DYM: variants seen among roughly 807,000 people sequenced by gnomAD.
The protein encoded by DYM is dymeclin, also known as dyggve-Melchior-Clausen syndrome protein.
DYM carries 78 observed loss-of-function variants against 93.1 expected under a neutral mutation model. That is an observed-to-expected ratio of 0.84 (90% CI 0.70 to 1.01). DYM has a LOEUF of 1.01. Among genes scored for constraint, DYM ranks in the 50% least tolerant of loss-of-function variants. DYM has a pLI of 0.00. For missense variants in DYM, 789 were observed against 845.0 expected, an observed-to-expected ratio of 0.93 and a Z score of 0.82; for synonymous variants, 321 against 319.7, an observed-to-expected ratio of 1.00 and a Z score of -0.04.
intron 17 of DYM, among the ~76,000 whole-genome samples, chr18:49,061,288 G>A (rs2144648521): frequency 6.6e-6 from 1 of 152,238 alleles, no homozygotes; most frequent in African/African-American, 2.4e-5. Flanking sequence ...TAGGTGGTCT[G>A]TAAACAAAGG....
At chr18:49,445,792 CCCACAGG>C (rs1311413346) in intron 1 of DYM, among the ~76,000 whole-genome samples, 1 of 152,096 alleles carries the variant, frequency 6.6e-6, no homozygotes, top group Non-Finnish European at 1.5e-5. Flanking sequence ...GGCACTAAAT[CCCACAGG>C]CCGTTCAAAG....
intron 2 of DYM, among the ~76,000 whole-genome samples, chr18:49,428,596 G>C (rs917494225): frequency 1.3e-5 from 2 of 152,178 alleles, no homozygotes; most frequent in Non-Finnish European, 2.9e-5. Context: ...TGAGGCCGAA[G>C]AATTGCTTGA....
chr18:49,265,203 T>C (rs2094550401), intron 11 of DYM, among the ~76,000 whole-genome samples: 2 of 152,126 alleles, frequency 1.3e-5, no homozygotes, highest in African/African-American at 2.4e-5. Context: ...ATAGGTGTAC[T>C]GGGGTCAATG....
chr18:49,280,660 T>A (rs576073612), intron 10 of DYM, among the ~76,000 whole-genome samples: 1 of 152,170 alleles, frequency 6.6e-6, no homozygotes, highest in East Asian at 1.9e-4. Context: ...CACCTCCACA[T>A]GAGCTGTGTC....
At chr18:49,334,769 T>C (rs2063544136) in intron 6 of DYM, among the ~76,000 whole-genome samples, 1 of 152,062 alleles carries the variant, frequency 6.6e-6, no homozygotes, top group South Asian at 2.1e-4. Flanking sequence ...ACTAGAAAAA[T>C]TTAAATTCTA....
chr18:49,369,041 A>T (rs1053649646), intron 5 of DYM, among the ~76,000 whole-genome samples: 1 of 152,246 alleles, frequency 6.6e-6, no homozygotes, highest in Non-Finnish European at 1.5e-5. Context: ...AGAGCCTGCC[A>T]AACGGCGGTT....
intron 17 of DYM, among the ~76,000 whole-genome samples, chr18:49,058,137 G>T (rs957944788): frequency 6.6e-6 from 1 of 152,276 alleles, no homozygotes; most frequent in African/African-American, 2.4e-5. Flanking sequence ...GAAAATACAA[G>T]ACCTTTCCCT....
chr18:49,157,130 G>T (rs72923816), intron 15 of DYM, among the ~76,000 whole-genome samples: 9,828 of 152,106 alleles, frequency 0.065, 420 homozygotes, highest in Non-Finnish European at 0.096. Flanking sequence ...TGGGGTTCAG[G>T]TACACGCTGT....
chr18:49,431,177 T>C (rs2080288973), intron 1 of DYM, among the ~76,000 whole-genome samples: 1 of 152,106 alleles, frequency 6.6e-6, no homozygotes, highest in African/African-American at 2.4e-5. Flanking sequence ...CTTATGGGGG[T>C]CATAGGGACA....
intron 13 of DYM, among the ~76,000 whole-genome samples, chr18:49,255,402 G>A (rs938114611): frequency 6.6e-6 from 1 of 152,014 alleles, no homozygotes; most frequent in African/African-American, 2.4e-5. Context: ...AAGCCTGGGC[G>A]CAGTGGCTCA....
Position 49,166,986 on chromosome 18 carries a change from TTCCGTGTG to T in DYM, c.1626-3207_1626-3200del, listed in dbSNP as rs2087957456. 1.1e-4 allele frequency among the ~76,000 whole-genome samples: 12 copies of T among 107,326 alleles called. No individual in the cohort carries two copies. In the South Asian group the frequency reaches 3.9e-3, roughly 35 times the overall value. 70.4% of individuals were successfully genotyped at this position (107,326 alleles called of 152,430 possible). On this transcript the variant is annotated intron_variant, in intron 14 of 17. Transcript: ENST00000675505. ...CAAACCTGGGATGTTCATTCTCACA[TTCCGTGTG>T]TGTGTGTGTGTGTGTGTGTGTGTGT...
chr18:49,162,569 C>G (rs1048376241), intron 15 of DYM, among the ~76,000 whole-genome samples: 18 of 152,216 alleles, frequency 1.2e-4, no homozygotes, highest in African/African-American at 4.3e-4. Flanking sequence ...CAAGGTCCCA[C>G]TTCTCAATAC....
chr18:49,113,457 C>T (rs1599845935), intron 16 of DYM, among the ~76,000 whole-genome samples: 1 of 152,192 alleles, frequency 6.6e-6, no homozygotes, highest in South Asian at 2.1e-4. Context: ...ACTTGAAAAA[C>T]ATCTATCTAA....
At chr18:49,342,325 A>C (rs1466652768) in intron 6 of DYM, among the ~76,000 whole-genome samples, 1 of 152,168 alleles carries the variant, frequency 6.6e-6, no homozygotes, top group Non-Finnish European at 1.5e-5. Flanking sequence ...GACTCATGTG[A>C]TTAGACTGGG....
intron 5 of DYM, among the ~76,000 whole-genome samples, chr18:49,376,672 G>A (rs1411839799): frequency 6.6e-6 from 1 of 152,220 alleles, no homozygotes; most frequent in Non-Finnish European, 1.5e-5. Context: ...AACTTAGTGA[G>A]ATTCGGACCT....
chr18:49,037,910 G>A lies in DYM; in HGVS notation c.*6145C>T, dbSNP rs960929766. On this transcript the variant is annotated 3_prime_UTR_variant, in exon 18 of 18. Coordinates refer to ENST00000675505, the MANE Select transcript of DYM (RefSeq NM_001353214.3). ...TGCAATTATAGCTCACTGCAGCCTC[G>A]ACCTCCTGGGCACAAGTGATTCTCC... 2.0e-5 allele frequency among the ~76,000 whole-genome samples: 3 copies of A among 152,034 alleles called. No homozygotes were observed. The highest frequency in any genetic ancestry group is 2.4e-5 in the African/African-American group (1 of 41,390).
chr18:49,107,323 A>AAG (rs2080934872), intron 16 of DYM, among the ~76,000 whole-genome samples: 1 of 151,760 alleles, frequency 6.6e-6, no homozygotes, highest in Non-Finnish European at 1.5e-5. Flanking sequence ...TTTTTTCACG[A>AAG]TTTTTAACTT....
intron 8 of DYM, among the ~76,000 whole-genome samples, chr18:49,292,923 C>G (rs542964328): frequency 1.3e-5 from 2 of 151,802 alleles, no homozygotes; most frequent in Admixed American, 1.3e-4. Context: ...TTTGCTGCAC[C>G]CATCAACCTG....
intron 17 of DYM, among the ~76,000 whole-genome samples, chr18:49,066,661 G>A (rs186013187): frequency 6.6e-6 from 1 of 152,214 alleles, no homozygotes; most frequent in African/African-American, 2.4e-5. Flanking sequence ...ACATCTGTTC[G>A]ACTTTAGCAG....
Sources: gnomAD v4.1 joint callset for allele counts (sites outside exome capture counted in the v4.1 genomes callset) on GRCh38, gnomAD v4.1.1 for gene constraint, MANE v1.5 for transcripts, NCBI Gene and HGNC (gene_info 2026-07-23, HGNC 2026-07-21) for gene names.